The following ZNF90 variants were observed in gnomAD, a reference collection of about 807,000 sequenced individuals.
ZNF90 encodes the protein zinc finger protein 90.
In ZNF90, 11 loss-of-function variants were observed where a neutral mutation model predicts 12.0. That is an observed-to-expected ratio of 0.92 (90% CI 0.58 to 1.52). The LOEUF is 1.52. Ranked by LOEUF, ZNF90 falls within the 40% of genes most tolerant of loss-of-function variation. The pLI is 0.00. For synonymous variants in ZNF90, 232 were observed against 240.1 expected, an observed-to-expected ratio of 0.97 and a Z score of 0.31; for missense variants, 765 against 711.5, an observed-to-expected ratio of 1.08 and a Z score of -0.86.
chr19:20,107,081 C>T (rs1024666978), intron 3 of ZNF90: 4 of 444,574 alleles, frequency 9.0e-6, no homozygotes, highest in Non-Finnish European at 1.8e-5. Flanking sequence ...ACAGCATTTC[C>T]TCAGGTAACT....
At position 20,105,283 on chromosome 19, in the gene ZNF90, G is replaced by A; in HGVS notation, c.193G>A (p.Val65Met). The A allele has an allele frequency of 1.2e-6, 2 of 1,607,782 alleles. No individual in the cohort carries two copies. The highest frequency in any genetic ancestry group is 1.7e-6 in the Non-Finnish European group (2 of 1,176,504). ...GGAGCAAGGAAAAAAACCCTTCACT[G>A]TGAAGAGACATGAGATGATTGCCAA... ...CLEQGKKPFT[V>M]KRHEMIAKSP... Residue 65 changes from valine (V) to methionine (M), a missense_variant, in exon 3 of 4, where the codon GTG becomes ATG. Physicochemically the swap from Val to Met is conservative, Grantham distance 21 (BLOSUM62 1). Transcript: ENST00000418063.
intron 3 of ZNF90, among the ~76,000 whole-genome samples, chr19:20,117,015 G>C (rs1365557808): frequency 2.8e-5 from 3 of 105,630 alleles, no homozygotes; most frequent in Non-Finnish European, 6.8e-5. Context: ...ACTTACATTT[G>C]TGTGTGTGTG....
chr19:20,115,813 T>A (rs187481176), intron 3 of ZNF90, among the ~76,000 whole-genome samples: 1 of 152,302 alleles, frequency 6.6e-6, no homozygotes, highest in East Asian at 1.9e-4. Flanking sequence ...ATCCTCATTT[T>A]CCTGATCTTC....
chr19:20,104,735 C>A lies in ZNF90; in HGVS notation c.130+370C>A, dbSNP rs1234873037. The stretch of plus-strand genomic sequence containing the variant: ...TAGGACAAGGCGCAGTGGCTCACAC[C>A]TGTAATCCCAGCACTTTGGGAGGCT... On this transcript the variant is annotated intron_variant, in intron 2 of 3. Coordinates refer to ENST00000418063, the MANE Select transcript of ZNF90 (RefSeq NM_007138.2). 3.9e-5 allele frequency among the ~76,000 whole-genome samples: 6 copies of A among 152,154 alleles called. No homozygotes were observed. In the East Asian group the frequency reaches 1.2e-3, roughly 29 times the overall value.
intron 2 of ZNF90, 39 bp from the exon 3 acceptor site, chr19:20,105,182 T>G: frequency 6.7e-7 from 1 of 1,495,402 alleles, no homozygotes; most frequent in Non-Finnish European, 9.2e-7. Flanking sequence ...AATTGGAGAA[T>G]ATGAGGAAGA....
chr19:20,087,275 C>CT (rs1555702202), intron 1 of ZNF90: 2 of 152,136 alleles, frequency 1.3e-5, no homozygotes, highest in African/African-American at 2.4e-5. Context: ...ATTATTTTAA[C>CT]TTTTTTCTCA....
intron 1 of ZNF90, among the ~76,000 whole-genome samples, chr19:20,081,938 G>T (rs1469913441): frequency 6.6e-6 from 1 of 151,730 alleles, no homozygotes. Flanking sequence ...CTAATTTTTT[G>T]TATTTTTAGT....
At chr19:20,079,269 T>G (rs2088802396) in intron 1 of ZNF90, among the ~76,000 whole-genome samples, 2 of 151,686 alleles carry the variant, frequency 1.3e-5, no homozygotes, top group African/African-American at 4.9e-5. Context: ...ACCTAGTGAT[T>G]CCGAGCTAAG....
intron 3 of ZNF90, among the ~76,000 whole-genome samples, chr19:20,108,403 G>T (rs1375414940): frequency 6.6e-6 from 1 of 152,144 alleles, no homozygotes. Context: ...TTCACCTCCT[G>T]GGTTCAAGCA....
At chr19:20,108,731 C>CTT (rs10626180) in intron 3 of ZNF90, among the ~76,000 whole-genome samples, 76,423 of 119,722 alleles carry the variant, frequency 0.64, 25,369 homozygotes, top group East Asian at 0.89. Flanking sequence ...GTAGGTTTCT[C>CTT]TTTTTTTTTT....
At chr19:20,089,483 TGAA>T (rs1233058543) in intron 1 of ZNF90, among the ~76,000 whole-genome samples, 1 of 152,062 alleles carries the variant, frequency 6.6e-6, no homozygotes, top group African/African-American at 2.4e-5. Flanking sequence ...GCTTCGGAGA[TGAA>T]GAGTAAAGGA....
chr19:20,117,426 T>TCCTTCCTTCCTTCCTA (rs1555705805), intron 3 of ZNF90: 1 of 150,924 alleles, frequency 6.6e-6, no homozygotes, highest in Admixed American at 6.7e-5. Context: ...CTTCCTTTCT[T>TCCTTCCTTCCTTCCTA]CCTTCCCTCC....
chr19:20,096,751 G>A (rs749752569), intron 1 of ZNF90, among the ~76,000 whole-genome samples: 3 of 152,190 alleles, frequency 2.0e-5, no homozygotes, highest in African/African-American at 4.8e-5. Context: ...CAGGGGATGC[G>A]ATGGCTTGGC....
rs1252568688 is a variant in ZNF90, at chr19:20,104,072, A to G, written c.4-167A>G. The stretch of plus-strand genomic sequence containing the variant: ...ATTCTGCTCTTTTTTCTCAGGCAAT[A>G]TATTAGAAAATATTTTTGTGTTGGA... On this transcript the variant is annotated intron_variant, in intron 1 of 3. Transcript: ENST00000418063. 3.3e-5 allele frequency among the ~76,000 whole-genome samples: 5 copies of G among 152,172 alleles called. No individual in the cohort carries two copies. The East Asian group carries it at 7.7e-4, about 23-fold the overall frequency.
In ZNF90 at chr19:20,119,030, C is replaced by T. The variant is rs1328474694; in HGVS notation, c.1476C>T (p.Tyr492=). 3.7e-6 allele frequency: 6 copies of T among 1,606,338 alleles called. No individual in the cohort carries two copies. The Admixed American group carries it at 6.8e-5, about 18-fold the overall frequency. ...AAGAATGTGACAAAGCCTTCAAGTA[C>T]TCCTCAGCCCTTAGCACACATAAGA... ...KCQECDKAFK[Y]SSALSTHKII... is the part of the protein sequence containing the mutation. Residue 492 remains tyrosine (Y), a synonymous_variant, in exon 4 of 4, where the codon TAC becomes TAT. Transcript: ENST00000418063.
In ZNF90 at chr19:20,100,497, C is replaced by G. The variant is rs540003782; in HGVS notation, c.4-3742C>G. Among the ~76,000 whole-genome samples, 152 of 152,308 alleles carry G rather than the reference C, an allele frequency of 1.0e-3. 2 individuals are homozygous for G. Among genetic ancestry groups the G allele is most frequent in the Admixed American group, 2.2e-3 (33 of 15,298 alleles). On this transcript the variant is annotated intron_variant, in intron 1 of 3. Coordinates refer to ENST00000418063, the MANE Select transcript of ZNF90 (RefSeq NM_007138.2). ...CTTCAACTGGAGCCTCAGGTGCAGTCCATGACTAAGATCTACCATGGACCC... is the reference window on the plus strand; with the variant it reads ...CTTCAACTGGAGCCTCAGGTGCAGTGCATGACTAAGATCTACCATGGACCC...
intron 1 of ZNF90, among the ~76,000 whole-genome samples, chr19:20,079,219 A>G (rs2088802089): frequency 6.6e-6 from 1 of 152,150 alleles, no homozygotes; most frequent in South Asian, 2.1e-4. Context: ...TTAGTTTCAA[A>G]AACCCAGTGA....
intron 1 of ZNF90, among the ~76,000 whole-genome samples, chr19:20,098,420 A>G (rs967063797): frequency 5.3e-5 from 8 of 152,342 alleles, no homozygotes; most frequent in Admixed American, 5.2e-4. Flanking sequence ...CTCCAGGAGG[A>G]ACTAGCATCT....
chr19:20,106,797 G>T (rs1406400079), intron 3 of ZNF90, among the ~76,000 whole-genome samples: 1 of 152,158 alleles, frequency 6.6e-6, no homozygotes, highest in Non-Finnish European at 1.5e-5. Flanking sequence ...TCTTTTGTTG[G>T]GCCCTTAGTG....
Sources: allele counts gnomAD v4.1 joint callset (sites outside exome capture counted in the v4.1 genomes callset), GRCh38; gene constraint gnomAD v4.1.1; transcripts MANE v1.5; gene names NCBI Gene and HGNC (gene_info 2026-07-23, HGNC 2026-07-21).